The following TXNRD1 variants were observed in gnomAD, a reference collection of about 807,000 sequenced individuals.
TXNRD1 encodes thioredoxin reductase 1, cytoplasmic.
A neutral mutation model predicts 80.3 loss-of-function variants in TXNRD1; 57 were observed. The observed-to-expected ratio is 0.71, with a 90% CI of 0.57 to 0.89. The LOEUF is 0.89. TXNRD1 is among the 40% of genes least tolerant of loss of function. TXNRD1 has a pLI of 0.00. For synonymous variants in TXNRD1, 291 were observed against 285.2 expected (o/e 1.02, Z -0.20); for missense variants, 730 against 803.0 (o/e 0.91, Z 1.10).
chr12:104,249,923 G>A (rs1460251809), intron 1 of TXNRD1, among the ~76,000 whole-genome samples: 1 of 114,750 alleles, frequency 8.7e-6, no homozygotes, highest in East Asian at 2.5e-4. Context: ...GCAACAGAGC[G>A]AGACGCCGTC....
intron 14 of TXNRD1, 35 bp downstream of exon 14, chr12:104,331,676 C>G (rs1014735136): frequency 1.4e-5 from 19 of 1,387,498 alleles, no homozygotes; most frequent in Admixed American, 5.9e-5. Context: ...TATGTTATAT[C>G]ACTACTTTTT....
intron 2 of TXNRD1, among the ~76,000 whole-genome samples, chr12:104,254,648 T>A (rs148079665): frequency 0.49 from 28,942 of 59,660 alleles, 5,232 homozygotes; most frequent in East Asian, 0.75. Context: ...AAAAAAAATA[T>A]ATATATATAT....
At chr12:104,226,344 C>T (rs189782306) in intron 1 of TXNRD1, among the ~76,000 whole-genome samples, 2 of 152,294 alleles carry the variant, frequency 1.3e-5, no homozygotes, top group African/African-American at 2.4e-5. Flanking sequence ...GCTGTGGGCT[C>T]ACTGACCCTT....
At chr12:104,343,472 C>G (rs891516537) in intron 16 of TXNRD1, among the ~76,000 whole-genome samples, 3 of 152,134 alleles carry the variant, frequency 2.0e-5, no homozygotes, top group Non-Finnish European at 4.4e-5. Context: ...CTGGCCATAC[C>G]ACCCAGGTTT....
chr12:104,217,001 G>A lies in TXNRD1; in HGVS notation c.91+1108G>A, dbSNP rs147921081. On this transcript the variant is annotated intron_variant, in intron 1 of 16. Coordinates refer to ENST00000525566, the MANE Select transcript of TXNRD1 (RefSeq NM_001093771.3). ...GTCTGAAGGGAGAACATTCTTGTTA[G>A]GGGAAGCAGCCGGTGAGACCATGCT... Among the ~76,000 whole-genome samples, 717 of 152,300 alleles carry A rather than the reference G, an allele frequency of 4.7e-3. 18 individuals carry two copies. The South Asian group carries it at 0.073, about 15-fold the overall frequency.
At chr12:104,221,014 T>C (rs1227524960) in intron 1 of TXNRD1, among the ~76,000 whole-genome samples, 2 of 152,206 alleles carry the variant, frequency 1.3e-5, no homozygotes, top group African/African-American at 4.8e-5. Flanking sequence ...ATGCCTGTAT[T>C]CCTGGCACTT....
intron 2 of TXNRD1, among the ~76,000 whole-genome samples, chr12:104,253,983 G>A (rs964343452): frequency 2.6e-5 from 4 of 152,198 alleles, no homozygotes; most frequent in Non-Finnish European, 5.9e-5. Context: ...GTGAGCCACT[G>A]CGCCCAGCCT....
chr12:104,317,471 A>G (rs1352887010), intron 7 of TXNRD1, among the ~76,000 whole-genome samples: 1 of 147,812 alleles, frequency 6.8e-6, no homozygotes, highest in African/African-American at 2.5e-5. Context: ...CTGTTCTCTT[A>G]GAGGCTATAA....
intron 1 of TXNRD1, among the ~76,000 whole-genome samples, chr12:104,227,990 G>A (rs1216044510): frequency 6.6e-6 from 1 of 151,960 alleles, no homozygotes; most frequent in African/African-American, 2.4e-5. Context: ...ATAAGCATTG[G>A]TATATAAGTT....
intron 4 of TXNRD1, chr12:104,310,017 C>A (rs1351606559): frequency 6.5e-7 from 1 of 1,536,248 alleles, no homozygotes; most frequent in Admixed American, 2.0e-5. Context: ...TCCCAAGAAC[C>A]TTCTTCTTCC....
chr12:104,268,177 C>T (rs990507815), intron 3 of TXNRD1, among the ~76,000 whole-genome samples: 2 of 132,354 alleles, frequency 1.5e-5, no homozygotes, highest in Non-Finnish European at 3.2e-5. Context: ...CTCTCTGTCT[C>T]TCTCTTTCTT....
chr12:104,243,805 T>G (rs2032926522), intron 1 of TXNRD1, among the ~76,000 whole-genome samples: 1 of 152,216 alleles, frequency 6.6e-6, no homozygotes, highest in African/African-American at 2.4e-5. Flanking sequence ...TGGCGAAAAC[T>G]CAAGTTCTAA....
intron 4 of TXNRD1, chr12:104,304,383 T>A (rs2034793299): frequency 6.2e-7 from 1 of 1,614,048 alleles, no homozygotes; most frequent in Non-Finnish European, 8.5e-7. Flanking sequence ...GCTCTTTCCT[T>A]CTGGAAGGCA....
At chr12:104,264,794 G>A (rs2033439516) in intron 3 of TXNRD1, among the ~76,000 whole-genome samples, 1 of 152,158 alleles carries the variant, frequency 6.6e-6, no homozygotes, top group South Asian at 2.1e-4. Context: ...CTTTGTACGT[G>A]AAGTTTTTGC....
intron 1 of TXNRD1, among the ~76,000 whole-genome samples, chr12:104,250,427 CAA>C (rs2033094307): frequency 6.6e-6 from 1 of 152,082 alleles, no homozygotes; most frequent in Admixed American, 6.5e-5. Context: ...AACTATATTT[CAA>C]AAAGACTTCT....
chr12:104,301,813 T>G (rs1301501586), intron 4 of TXNRD1, among the ~76,000 whole-genome samples: 1 of 152,254 alleles, frequency 6.6e-6, no homozygotes, highest in Non-Finnish European at 1.5e-5. Context: ...GATCCTTGAA[T>G]GATCCTGGGT....
chr12:104,298,256 T>A (rs1391101929), intron 4 of TXNRD1, among the ~76,000 whole-genome samples: 2 of 152,260 alleles, frequency 1.3e-5, no homozygotes, highest in Admixed American at 6.5e-5. Context: ...TTTGTGGATC[T>A]GCTTCAGAAT....
chr12:104,252,626 C>T (rs2033141445), intron 2 of TXNRD1, among the ~76,000 whole-genome samples: 1 of 123,148 alleles, frequency 8.1e-6, no homozygotes, highest in African/African-American at 3.2e-5. Flanking sequence ...AACTGGCCAT[C>T]TGTCCAGGTT....
chr12:104,235,289 G>T (rs11111941), intron 1 of TXNRD1, among the ~76,000 whole-genome samples: 53,390 of 151,996 alleles, frequency 0.35, 10,916 homozygotes, highest in Non-Finnish European at 0.46. Flanking sequence ...AGCAGGGGTG[G>T]GGGCTACAAA....
Sources: allele counts gnomAD v4.1 joint callset (sites outside exome capture counted in the v4.1 genomes callset), GRCh38; gene constraint gnomAD v4.1.1; transcripts MANE v1.5; gene names NCBI Gene and HGNC (gene_info 2026-07-23, HGNC 2026-07-21).